The following MIGA1 variants were observed in gnomAD, a reference collection of about 807,000 sequenced individuals.
MIGA1 encodes the protein mitoguardin 1.
In MIGA1, 58 loss-of-function variants were observed where a neutral mutation model predicts 82.0. That is an observed-to-expected ratio of 0.71 (90% CI 0.57 to 0.88). The LOEUF is 0.88. Ranked by LOEUF, MIGA1 falls within the 40% of genes least tolerant of loss-of-function variation. The pLI, the probability that MIGA1 is intolerant of heterozygous loss-of-function variation, is 0.00. For missense variants in MIGA1, 751 were observed against 749.1 expected (o/e 1.00, Z -0.03); for synonymous variants, 249 against 253.6 (o/e 0.98, Z 0.17).
intron 7 of MIGA1, among the ~76,000 whole-genome samples, chr1:77,829,208 C>T (rs892150483): frequency 6.6e-6 from 1 of 151,956 alleles, no homozygotes; most frequent in African/African-American, 2.4e-5. Context: ...TTGCTTGAGG[C>T]CAAGAGTTTG....
At chr1:77,819,105 A>AAAAAGG (rs1377228358) in intron 7 of MIGA1, among the ~76,000 whole-genome samples, 4 of 151,500 alleles carry the variant, frequency 2.6e-5, no homozygotes, top group Non-Finnish European at 5.9e-5. Context: ...AAAGAAAAAG[A>AAAAAGG]AAATCATCTC....
At chr1:77,793,862 C>A (rs1177237600) in intron 2 of MIGA1, among the ~76,000 whole-genome samples, 1 of 149,654 alleles carries the variant, frequency 6.7e-6, no homozygotes, top group African/African-American at 2.5e-5. Flanking sequence ...TCTCAGCTCA[C>A]TGCAACCTCT....
rs1229116461 is a variant in MIGA1, at chr1:77,869,941, G to A, written c.1564-3063G>A. On this transcript the variant is annotated intron_variant, in intron 14 of 15. Coordinates refer to ENST00000370791, the MANE Select transcript of MIGA1 (RefSeq NM_198549.4). Reference sequence around the variant, plus strand: ...GACCCCGCCCACCTCCCTCCCGGACGGGGCGGCTGGCCGGGCGGGGGGCTG... The same window carrying A: ...GACCCCGCCCACCTCCCTCCCGGACAGGGCGGCTGGCCGGGCGGGGGGCTG... Among the ~76,000 whole-genome samples, 3 of 134,808 alleles carry A rather than the reference G, an allele frequency of 2.2e-5. No individual in the cohort carries two copies. The South Asian group carries it at 7.0e-4, about 31-fold the overall frequency. 88.4% of individuals were successfully genotyped at this position (134,808 alleles called of 152,430 possible).
At chr1:77,812,131 T>C (rs991776924) in intron 5 of MIGA1, among the ~76,000 whole-genome samples, 1 of 151,920 alleles carries the variant, frequency 6.6e-6, no homozygotes, top group Non-Finnish European at 1.5e-5. Context: ...CTAGGTAACA[T>C]AGTGAAACCT....
chr1:77,820,865 G>A (rs1443305862), intron 7 of MIGA1, among the ~76,000 whole-genome samples: 2 of 152,196 alleles, frequency 1.3e-5, no homozygotes, highest in East Asian at 3.8e-4. Context: ...CAGGCATGGT[G>A]GCTCATGCCT....
chr1:77,779,700 C>A lies in MIGA1; in HGVS notation c.45C>A (p.Gly15=). Residue 15 remains glycine (G), a synonymous_variant, in exon 1 of 16, where the codon GGC becomes GGA. Transcript: ENST00000370791. Reference sequence around the variant, plus strand: ...CGCCAGGCATCAGCTGGGAAGCTGGCGTGGGCAGGCCAGCTGTACCTGGCC... The same window carrying A: ...CGCCAGGCATCAGCTGGGAAGCTGGAGTGGGCAGGCCAGCTGTACCTGGCC... The A allele has an allele frequency of 6.5e-7, 1 of 1,545,194 alleles. No homozygotes were observed. The highest frequency in any genetic ancestry group is 2.5e-5 in the East Asian group (1 of 40,284).
At chr1:77,819,074 CTG>C (rs1460080623) in intron 7 of MIGA1, among the ~76,000 whole-genome samples, 2 of 143,196 alleles carry the variant, frequency 1.4e-5, no homozygotes, top group East Asian at 4.1e-4. Context: ...GAGCAAAACT[CTG>C]TCCCAAAAAA....
chr1:77,835,104 AAAACCC>A (rs1182332892), intron 7 of MIGA1, among the ~76,000 whole-genome samples: 20 of 152,242 alleles, frequency 1.3e-4, no homozygotes, highest in African/African-American at 4.8e-4. Context: ...TGAAATGTAG[AAAACCC>A]ACTTGGATTG....
intron 2 of MIGA1, among the ~76,000 whole-genome samples, chr1:77,791,248 A>G (rs928123576): frequency 3.8e-4 from 57 of 150,462 alleles, no homozygotes; most frequent in African/African-American, 1.3e-3. Context: ...TCTCTTAAAA[A>G]AAAAAAAAAA....
intron 2 of MIGA1, among the ~76,000 whole-genome samples, chr1:77,788,537 T>A (rs1308394695): frequency 6.6e-6 from 1 of 152,210 alleles, no homozygotes; most frequent in Non-Finnish European, 1.5e-5. Context: ...GTTGCCTGTG[T>A]CTTCATTGTC....
At chr1:77,787,990 A>G (rs1682245259) in intron 2 of MIGA1, among the ~76,000 whole-genome samples, 1 of 149,200 alleles carries the variant, frequency 6.7e-6, no homozygotes, top group African/African-American at 2.5e-5. Context: ...TAATTTTTGT[A>G]TTTTTTCTTT....
At chr1:77,792,356 C>T (rs1346308723) in intron 2 of MIGA1, among the ~76,000 whole-genome samples, 1 of 152,106 alleles carries the variant, frequency 6.6e-6, no homozygotes, top group Non-Finnish European at 1.5e-5. Context: ...AGAATTCATT[C>T]CACCGCTGGG....
At chr1:77,782,434 T>C (rs1324485307) in intron 1 of MIGA1, among the ~76,000 whole-genome samples, 1 of 152,174 alleles carries the variant, frequency 6.6e-6, no homozygotes, top group Non-Finnish European at 1.5e-5. Context: ...ATATGTACAC[T>C]AGATCGTTTA....
intron 5 of MIGA1, chr1:77,810,787 T>C: frequency 6.7e-7 from 1 of 1,492,778 alleles, no homozygotes; most frequent in Non-Finnish European, 9.1e-7. Context: ...GAAGGGTGAA[T>C]ATGCTACACA....
chr1:77,847,525 G>C, intron 8 of MIGA1: 2 of 1,453,466 alleles, frequency 1.4e-6, no homozygotes, highest in Non-Finnish European at 1.9e-6. Context: ...CAGAGAGAAA[G>C]AGAAATGGAA....
chr1:77,875,048 A>G lies in MIGA1; in HGVS notation c.1883A>G (p.Glu628Gly). The G allele has an allele frequency of 6.2e-7, 1 of 1,612,936 alleles. No homozygotes were observed. Among genetic ancestry groups the G allele is most frequent in the Non-Finnish European group, 8.5e-7 (1 of 1,178,966 alleles). The stretch of plus-strand genomic sequence containing the variant: ...CATGTTATGTCCACTGGGCTACTGG[A>G]AGCCAAAGTACAATAAGTACCATAA... Residue 628 changes from glutamate to glycine, a missense_variant, in exon 16 of 16, where the codon GAA becomes GGA. Transcript: ENST00000370791.
intron 7 of MIGA1, among the ~76,000 whole-genome samples, chr1:77,828,579 A>C (rs1173097653): frequency 4.6e-5 from 7 of 152,362 alleles, no homozygotes; most frequent in Middle Eastern, 3.4e-3. Flanking sequence ...TTTTAAGTAC[A>C]TGAGGAAAAT....
chr1:77,801,504 C>A lies in MIGA1; in HGVS notation c.369C>A (p.Asp123Glu). 6.3e-7 allele frequency: 1 copy of A among 1,594,510 alleles called. No homozygotes were observed. Among genetic ancestry groups the A allele is most frequent in the East Asian group, 2.3e-5 (1 of 44,010 alleles). Reference sequence around the variant, plus strand: ...AATACACTAAAAGAGCAGCATCAGACAAAGGTATGTGGAAATAGTTGAAGT... The same window carrying A: ...AATACACTAAAAGAGCAGCATCAGAAAAAGGTATGTGGAAATAGTTGAAGT... Residue 123 changes from aspartate (D) to glutamate (E), a missense_variant, in exon 3 of 16, where the codon GAC becomes GAA. Around this residue, in one of 3 missense-constraint regions of MIGA1, gnomAD observed 482 missense variants for 439.4 expected, o/e 1.10. Transcript: ENST00000370791.
intron 5 of MIGA1, chr1:77,811,610 C>A: frequency 6.2e-7 from 1 of 1,600,860 alleles, no homozygotes; most frequent in Admixed American, 1.7e-5. Context: ...TTCTTTTGTT[C>A]TTCTGTGAAT....
Sources: gnomAD v4.1 joint callset for allele counts (sites outside exome capture counted in the v4.1 genomes callset) on GRCh38, gnomAD v4.1.1 for gene constraint, gnomAD v4.1.1 regional missense constraint, MANE v1.5 for transcripts, NCBI Gene and HGNC (gene_info 2026-07-23, HGNC 2026-07-21) for gene names.